The following TP63 variants were observed in gnomAD, a reference collection of about 807,000 sequenced individuals.
TP63 encodes tumor protein p63.
Under a neutral mutation model 82.8 loss-of-function variants are expected in TP63, and 17 were observed. The ratio of observed to expected loss-of-function variants is 0.21; its 90% CI spans 0.14 to 0.31. The LOEUF (loss-of-function observed/expected upper bound fraction) is 0.31, where lower values mean the gene tolerates loss of function less well. TP63 is among the 10% of genes least tolerant of loss of function. The probability of loss-of-function intolerance (pLI) is 1.00; values close to 1 mark genes in which losing one functional copy is unlikely to be tolerated. For missense variants in TP63, 648 were observed against 895.3 expected, an observed-to-expected ratio of 0.72 and a Z score of 3.52; for synonymous variants, 330 against 321.7, an observed-to-expected ratio of 1.03 and a Z score of -0.28.
At chr3:189,663,502 G>A (rs1251894895) in intron 1 of TP63, among the ~76,000 whole-genome samples, 1 of 144,780 alleles carries the variant, frequency 6.9e-6, no homozygotes. Context: ...CATAATTTAA[G>A]TGGCTTATTT....
rs1317891458 is a variant in TP63 at position 189,738,725 on chromosome 3, G to A, written c.275G>A (p.Ser92Asn). 6.2e-7 allele frequency: 1 copy of A among 1,614,110 alleles called. No homozygotes were observed. Among genetic ancestry groups the A allele is most frequent in the Non-Finnish European group, 8.5e-7 (1 of 1,180,008 alleles). ...GGTGCGACAAACAAGATTGAGATTA[G>A]CATGGACTGTATCCGCATGCAGGAC... ...EDGATNKIEI[S>N]MDCIRMQDSD... The change falls in exon 3 of 14, where the codon AGC (serine) becomes AAC (asparagine). Residue 92 changes from serine (S) to asparagine (N), a missense_variant. By Grantham distance (46) the Ser-to-Asn change is conservative. Coordinates refer to ENST00000264731, the MANE Select transcript of TP63 (RefSeq NM_003722.5).
intron 5 of TP63, among the ~76,000 whole-genome samples, chr3:189,864,899 C>T (rs893494903): frequency 6.6e-5 from 10 of 151,880 alleles, no homozygotes; most frequent in East Asian, 3.9e-4. Context: ...CCCAGCTACT[C>T]GGGAGGCTGA....
intron 1 of TP63, among the ~76,000 whole-genome samples, chr3:189,668,543 AAAGT>A (rs2108666459): frequency 6.6e-6 from 1 of 152,256 alleles, no homozygotes; most frequent in Admixed American, 6.5e-5. Context: ...GTAGAAAAAG[AAAGT>A]GTCAATGGAT....
chr3:189,658,506 G>A (rs1713587573), intron 1 of TP63, among the ~76,000 whole-genome samples: 1 of 151,996 alleles, frequency 6.6e-6, no homozygotes, highest in Non-Finnish European at 1.5e-5. Flanking sequence ...AATATCAACA[G>A]TGACAATTCA....
chr3:189,779,893 T>C (rs77031317), intron 3 of TP63, among the ~76,000 whole-genome samples: 2,130 of 152,254 alleles, frequency 0.014, 64 homozygotes, highest in African/African-American at 0.049. Flanking sequence ...GCAGGAAATA[T>C]AGAACTAAAT....
At chr3:189,642,516 G>A (rs141684649) in intron 1 of TP63, among the ~76,000 whole-genome samples, 107 of 152,024 alleles carry the variant, frequency 7.0e-4, no homozygotes, top group African/African-American at 2.5e-3. Context: ...TCTGGCAAAT[G>A]TTATACCTCC....
chr3:189,670,678 A>C (rs1205614025), intron 1 of TP63, among the ~76,000 whole-genome samples: 9 of 152,074 alleles, frequency 5.9e-5, no homozygotes, highest in African/African-American at 2.2e-4. Context: ...TAGTAACCAA[A>C]ACAGTCTGGT....
At chr3:189,694,918 G>T (rs1717248110) in intron 1 of TP63, among the ~76,000 whole-genome samples, 1 of 141,114 alleles carries the variant, frequency 7.1e-6, no homozygotes, top group South Asian at 2.4e-4. Flanking sequence ...TGATTCTCCT[G>T]CCTCAGCCTC....
chr3:189,632,612 A>G (rs1729530892), intron 1 of TP63, among the ~76,000 whole-genome samples: 1 of 152,114 alleles, frequency 6.6e-6, no homozygotes. Context: ...AAAGATAAAT[A>G]GAATAAAGGA....
At chr3:189,612,080 T>C in the TP63 span, among the ~76,000 whole-genome samples, 1 of 152,178 alleles carries the variant, frequency 6.6e-6, no homozygotes, top group Non-Finnish European at 1.5e-5. Flanking sequence ...CAATCAAAGA[T>C]CGTTTGCCTT....
At chr3:189,603,235 C>T in the TP63 span, among the ~76,000 whole-genome samples, 1 of 152,130 alleles carries the variant, frequency 6.6e-6, no homozygotes, top group Admixed American at 6.5e-5. Context: ...CAGCAATGGG[C>T]TCAAAGTGGA....
intron 4 of TP63, among the ~76,000 whole-genome samples, chr3:189,815,627 A>G (rs539641373): frequency 6.6e-6 from 1 of 152,332 alleles, no homozygotes; most frequent in African/African-American, 2.4e-5. Flanking sequence ...TTCAAAAAAA[A>G]GTTGTAAAAC....
chr3:189,842,747 G>A (rs768707776), intron 4 of TP63, among the ~76,000 whole-genome samples: 4 of 152,144 alleles, frequency 2.6e-5, no homozygotes, highest in East Asian at 1.9e-4. Flanking sequence ...CACCTCTAAC[G>A]TATCAGTGTC....
At chr3:189,833,477 A>G (rs1712665894) in intron 4 of TP63, among the ~76,000 whole-genome samples, 1 of 152,200 alleles carries the variant, frequency 6.6e-6, no homozygotes, top group African/African-American at 2.4e-5. Flanking sequence ...AGAACTCACA[A>G]TTCCCCTGTG....
At chr3:189,880,612 A>C in intron 10 of TP63, 1 of 986,138 alleles carries the variant, frequency 1.0e-6, no homozygotes, top group Non-Finnish European at 1.2e-6. Context: ...AAGGAGAAAA[A>C]AGTTGTTATT....
chr3:189,808,442 C>A lies in TP63; in HGVS notation c.495C>A (p.Ile165=), dbSNP rs1332125913. ...ATGCTCTCTCTCCATCACCCGCCATCCCCTCCAACACCGACTACCCAGGCC... is the reference window on the plus strand; with the variant it reads ...ATGCTCTCTCTCCATCACCCGCCATACCCTCCAACACCGACTACCCAGGCC... ...TFDALSPSPA[I]PSNTDYPGPH... The change falls in exon 4 of 14, where the codon ATC becomes ATA. Residue 165 remains isoleucine, a synonymous_variant. Transcript: ENST00000264731. The A allele has an allele frequency of 4.3e-6, 7 of 1,614,224 alleles. No individual in the cohort carries two copies. Among genetic ancestry groups the A allele is most frequent in the Non-Finnish European group, 5.9e-6 (7 of 1,180,044 alleles).
chr3:189,670,440 T>C (rs887607004), intron 1 of TP63, among the ~76,000 whole-genome samples: 1 of 152,086 alleles, frequency 6.6e-6, no homozygotes, highest in Non-Finnish European at 1.5e-5. Flanking sequence ...AATATGGAAA[T>C]CATGCAAATT....
chr3:189,858,650 G>T (rs921564805), intron 4 of TP63, among the ~76,000 whole-genome samples: 1 of 152,030 alleles, frequency 6.6e-6, no homozygotes, highest in Non-Finnish European at 1.5e-5. Flanking sequence ...ATAGTAGTGC[G>T]CACCTGTAGC....
intron 1 of TP63, among the ~76,000 whole-genome samples, chr3:189,633,390 C>T (rs1381297765): frequency 1.3e-5 from 2 of 151,966 alleles, no homozygotes; most frequent in African/African-American, 4.8e-5. Context: ...CACCTTCCAC[C>T]CTCTGAAAGG....
Sources: allele counts gnomAD v4.1 joint callset (sites outside exome capture counted in the v4.1 genomes callset), GRCh38; gene constraint gnomAD v4.1.1; transcripts MANE v1.5; gene names NCBI Gene and HGNC (gene_info 2026-07-23, HGNC 2026-07-21).